The following SKIL variants were observed in gnomAD, a reference collection of about 807,000 sequenced individuals.
SKIL encodes the protein ski-like protein.
SKIL carries 20 observed loss-of-function variants against 69.6 expected under a neutral mutation model. The observed-to-expected ratio is 0.29, with a 90% CI of 0.20 to 0.42. The LOEUF (loss-of-function observed/expected upper bound fraction) is 0.42. Among genes scored for constraint, SKIL ranks in the 10% least tolerant of loss-of-function variants. SKIL has a pLI of 1.00. For synonymous variants in SKIL, 310 were observed against 279.9 expected, an observed-to-expected ratio of 1.11 and a Z score of -1.08; for missense variants, 745 against 783.1, an observed-to-expected ratio of 0.95 and a Z score of 0.58.
chr3:170,378,075 G>GT (rs1257204704), intron 2 of SKIL, among the ~76,000 whole-genome samples: 1 of 150,350 alleles, frequency 6.7e-6, no homozygotes, highest in Non-Finnish European at 1.5e-5. Flanking sequence ...TGTATTTTTA[G>GT]TAAGACAGGG....
intron 2 of SKIL, among the ~76,000 whole-genome samples, chr3:170,376,084 C>T (rs1179557513): frequency 9.3e-6 from 1 of 107,564 alleles, no homozygotes; most frequent in Admixed American, 1.4e-4. Context: ...GTTTCACTGT[C>T]TTGCCCAGGC....
At chr3:170,370,805 C>T (rs1577419642) in intron 2 of SKIL, among the ~76,000 whole-genome samples, 2 of 152,092 alleles carry the variant, frequency 1.3e-5, no homozygotes, top group African/African-American at 4.8e-5. Context: ...ATTAGCTGGG[C>T]TTGGTGGGGC....
In SKIL at chr3:170,393,849, C is replaced by G. The variant is rs1231197067; in HGVS notation, c.*1432C>G. On this transcript the variant is annotated 3_prime_UTR_variant, in exon 7 of 7. Coordinates refer to ENST00000259119, the MANE Select transcript of SKIL (RefSeq NM_005414.5). ...CTAGGGTTAAGGTTATATTCTATTT[C>G]CAGCATAGAAGGTAGATAATCTAAT... 2.0e-5 allele frequency: 3 copies of G among 151,978 alleles called. No individual in the cohort carries two copies. Among genetic ancestry groups the G allele is most frequent in the Non-Finnish European group, 4.4e-5 (3 of 67,978 alleles). 9.4% of individuals were successfully genotyped at this position (151,978 alleles called of 1,614,324 possible). A position where few individuals can be genotyped will look rare whatever the true frequency, so the allele number is the denominator to read the frequency against.
At position 170,394,556 on chromosome 3, in the gene SKIL, GA is replaced by G. The variant is rs1738098111; in HGVS notation, c.*2142del. On this transcript the variant is annotated 3_prime_UTR_variant, in exon 7 of 7. Coordinates refer to ENST00000259119, the MANE Select transcript of SKIL (RefSeq NM_005414.5). Reference sequence around the variant, plus strand: ...TTCTAAAATAAATTGCTTAATCCTTGAAATATGTTATTGGAAAATTTTAAGC... The same window carrying G: ...TTCTAAAATAAATTGCTTAATCCTTGAATATGTTATTGGAAAATTTTAAGC... 1 of 152,042 alleles carries G rather than the reference GA, an allele frequency of 6.6e-6. No individual in the cohort carries two copies. The highest frequency in any genetic ancestry group is 1.5e-5 in the Non-Finnish European group (1 of 67,998). 9.4% of individuals were successfully genotyped at this position (152,042 alleles called of 1,614,324 possible). A position where few individuals can be genotyped will look rare whatever the true frequency, so the allele number is the denominator to read the frequency against.
chr3:170,394,713 G>A lies in SKIL; in HGVS notation c.*2296G>A, dbSNP rs1039050367. 3.3e-5 allele frequency: 5 copies of A among 152,116 alleles called. No individual in the cohort carries two copies. The highest frequency in any genetic ancestry group is 7.2e-5 in the African/African-American group (3 of 41,420). The allele number at this position is 152,116 out of a possible 1,614,324, so 9.4% of individuals were successfully genotyped here. The stretch of plus-strand genomic sequence containing the variant: ...ATCGTCTTCATTTTCCAGAAGATGC[G>A]TTGGTGTGCCATAGGTTTCTAACTT... On this transcript the variant is annotated 3_prime_UTR_variant, in exon 7 of 7. Coordinates refer to ENST00000259119, the MANE Select transcript of SKIL (RefSeq NM_005414.5).
Position 170,393,942 on chromosome 3 carries a change from C to T in SKIL, c.*1525C>T, listed in dbSNP as rs1057004185. 3.3e-5 allele frequency: 5 copies of T among 151,822 alleles called. No individual in the cohort carries two copies. The highest frequency in any genetic ancestry group is 7.4e-5 in the Non-Finnish European group (5 of 67,948). 9.4% of individuals were successfully genotyped at this position (151,822 alleles called of 1,614,324 possible). ...TCATATTTTGCTTAATAGTACATAT[C>T]CAAAAAGAATTTTGTACTTCCCCAA... On this transcript the variant is annotated 3_prime_UTR_variant, in exon 7 of 7. Transcript: ENST00000259119.
In SKIL at chr3:170,395,996, C is replaced by T. The variant is rs1577455822; in HGVS notation, c.*3579C>T. 1 of 140,614 alleles carries T rather than the reference C, an allele frequency of 7.1e-6. No individual in the cohort carries two copies. 8.7% of individuals were successfully genotyped at this position (140,614 alleles called of 1,614,324 possible). ...TGTATTAGTATTTTATATTGCATTTCATTTAAAAGGACAGTTTTTTTTTTT... is the reference window on the plus strand; with the variant it reads ...TGTATTAGTATTTTATATTGCATTTTATTTAAAAGGACAGTTTTTTTTTTT... On this transcript the variant is annotated 3_prime_UTR_variant, in exon 7 of 7. Coordinates refer to ENST00000259119, the MANE Select transcript of SKIL (RefSeq NM_005414.5).
intron 2 of SKIL, among the ~76,000 whole-genome samples, chr3:170,373,942 T>C (rs1475160189): frequency 6.6e-6 from 1 of 152,200 alleles, no homozygotes; most frequent in Non-Finnish European, 1.5e-5. Context: ...CGAATACTTG[T>C]ATGAATAATG....
chr3:170,377,631 C>T lies in SKIL; in HGVS notation c.1099-3613C>T, dbSNP rs192951500. Among the ~76,000 whole-genome samples the T allele has an allele frequency of 9.2e-4, 136 of 147,956 alleles. 3 individuals carry two copies. The East Asian group carries it at 0.023, about 25-fold the overall frequency. ...TGGCACGATCTCGGCTCACTGCAAC[C>T]TCCGCCCTCTGAGTTCAAGCGATTC... is the stretch of plus-strand genomic sequence containing the variant. On this transcript the variant is annotated intron_variant, in intron 2 of 6. Coordinates refer to ENST00000259119, the MANE Select transcript of SKIL (RefSeq NM_005414.5).
chr3:170,392,490 A>G lies in SKIL; in HGVS notation c.*73A>G. The G allele has an allele frequency of 1.1e-6, 1 of 890,656 alleles. No individual in the cohort carries two copies. The highest frequency in any genetic ancestry group is 1.7e-6 in the Non-Finnish European group (1 of 597,078). 55.2% of individuals were successfully genotyped at this position (890,656 alleles called of 1,614,324 possible). ...GTTTGTTGCTTGCTTTGGTAATTGAATTCTGAAGAATTTATCTGCATGACG... is the reference window on the plus strand; with the variant it reads ...GTTTGTTGCTTGCTTTGGTAATTGAGTTCTGAAGAATTTATCTGCATGACG... On this transcript the variant is annotated 3_prime_UTR_variant, in exon 7 of 7. Transcript: ENST00000259119.
At chr3:170,384,510 G>A (rs750743704) in intron 3 of SKIL, 23 bp from the exon 4 acceptor site, 2 of 1,102,188 alleles carry the variant, frequency 1.8e-6, no homozygotes, top group Admixed American at 4.1e-5. Flanking sequence ...TATATGTCTT[G>A]TTTTGCTTTT....
chr3:170,390,559 T>C (rs1444609903), intron 5 of SKIL, 95 bp downstream of exon 5: 4 of 944,220 alleles, frequency 4.2e-6, no homozygotes, highest in Non-Finnish European at 6.5e-6. Flanking sequence ...CAGTCTCAGC[T>C]CACTGAAACC....
At chr3:170,381,965 C>T (rs112302465) in intron 3 of SKIL, among the ~76,000 whole-genome samples, 5,259 of 151,664 alleles carry the variant, frequency 0.035, 310 homozygotes, top group African/African-American at 0.12. Flanking sequence ...ACCTGTAGTC[C>T]CAGCTACTCG....
At chr3:170,368,936 A>G (rs1309234986) in intron 2 of SKIL, among the ~76,000 whole-genome samples, 1 of 152,184 alleles carries the variant, frequency 6.6e-6, no homozygotes, top group South Asian at 2.1e-4. Flanking sequence ...ATGGAGACCA[A>G]TACAGACCTG....
chr3:170,390,951 T>A, intron 5 of SKIL, 85 bp from the exon 6 acceptor site: 2 of 692,062 alleles, frequency 2.9e-6, no homozygotes, highest in Non-Finnish European at 2.5e-6. Context: ...ATTTTAGGTA[T>A]TTTCTGTGCT....
intron 4 of SKIL, among the ~76,000 whole-genome samples, chr3:170,388,067 T>A (rs1577444782): frequency 6.6e-6 from 1 of 152,134 alleles, no homozygotes; most frequent in Non-Finnish European, 1.5e-5. Flanking sequence ...GTGGTAATTA[T>A]GTTTAATGTT....
chr3:170,361,404 G>A lies in SKIL; in HGVS notation c.1073G>A (p.Arg358Lys), dbSNP rs1560205276. The A allele has an allele frequency of 4.4e-6, 7 of 1,584,720 alleles. No individual in the cohort carries two copies. The East Asian group carries it at 8.9e-5, about 20-fold the overall frequency. ...GAAATGAAGGAGAAGTTTAGCATGA[G>A]AAGTGGAAAGAGAAATCAATCCAAG... ...LEEMKEKFSM[R>K]SGKRNQSKTD... Residue 358 changes from arginine (R) to lysine (K), a missense_variant, in exon 2 of 7, where the codon AGA becomes AAA. By Grantham distance (26) the Arg-to-Lys change is conservative (BLOSUM62 2). Coordinates refer to ENST00000259119, the MANE Select transcript of SKIL (RefSeq NM_005414.5).
At chr3:170,370,058 T>G (rs542990924) in intron 2 of SKIL, among the ~76,000 whole-genome samples, 2 of 151,636 alleles carry the variant, frequency 1.3e-5, no homozygotes, top group Admixed American at 1.3e-4. Flanking sequence ...GCTAACATGG[T>G]GAAACCCCGT....
chr3:170,364,996 T>G (rs1290460967), intron 2 of SKIL, among the ~76,000 whole-genome samples: 1 of 152,262 alleles, frequency 6.6e-6, no homozygotes, highest in African/African-American at 2.4e-5. Flanking sequence ...TAAAGGAATT[T>G]AAGAAAATTT....
Sources: gnomAD v4.1 joint callset for allele counts (sites outside exome capture counted in the v4.1 genomes callset) on GRCh38, gnomAD v4.1.1 for gene constraint, MANE v1.5 for transcripts, NCBI Gene and HGNC (gene_info 2026-07-23, HGNC 2026-07-21) for gene names.